The following FAM227B variants were observed in gnomAD, a reference collection of about 807,000 sequenced individuals.
FAM227B encodes the protein family with sequence similarity 227 member B, also known as protein FAM227B.
FAM227B carries 88 observed loss-of-function variants against 73.8 expected under a neutral mutation model. The observed-to-expected ratio is 1.19, with a 90% CI of 1.00 to 1.42. The LOEUF (loss-of-function observed/expected upper bound fraction) is 1.42. Among genes scored for constraint, FAM227B ranks in the 40% most tolerant of loss-of-function variants. The pLI, the probability that FAM227B is intolerant of heterozygous loss-of-function variation, is 0.00. For synonymous variants in FAM227B, 210 were observed against 190.5 expected (o/e 1.10, Z -0.84); for missense variants, 632 against 590.9 (o/e 1.07, Z -0.72).
intron 11 of FAM227B, among the ~76,000 whole-genome samples, chr15:49,451,207 A>G (rs2052700907): frequency 2.6e-5 from 4 of 152,164 alleles, no homozygotes; most frequent in African/African-American, 9.6e-5. Flanking sequence ...ACGGTCATTT[A>G]AAATTTTAAC....
intron 11 of FAM227B, among the ~76,000 whole-genome samples, chr15:49,436,331 T>C (rs954096781): frequency 1.3e-5 from 2 of 151,594 alleles, no homozygotes; most frequent in African/African-American, 2.4e-5. Flanking sequence ...GATGAGTCCA[T>C]TGTGTGATTA....
chr15:49,334,299 AGTT>A (rs1375525758), intron 14 of FAM227B: 1 of 949,932 alleles, frequency 1.1e-6, no homozygotes, highest in Non-Finnish European at 1.3e-6. Flanking sequence ...TTCCCTATAA[AGTT>A]AAAGTTTGAA....
chr15:49,485,637 A>T (rs2056345115), intron 11 of FAM227B: 1 of 152,510 alleles, frequency 6.6e-6, no homozygotes, highest in African/African-American at 2.4e-5. Context: ...GACAAAAATA[A>T]GAGCCTGAAG....
chr15:49,544,854 A>G (rs2071595482), intron 9 of FAM227B, among the ~76,000 whole-genome samples: 1 of 152,178 alleles, frequency 6.6e-6, no homozygotes, highest in Non-Finnish European at 1.5e-5. Flanking sequence ...GTTATGAAAC[A>G]TACTTGATCG....
chr15:49,449,089 T>G (rs1364472718), intron 11 of FAM227B, among the ~76,000 whole-genome samples: 2 of 141,828 alleles, frequency 1.4e-5, no homozygotes, highest in Non-Finnish European at 3.1e-5. Flanking sequence ...TGGTCTGGCT[T>G]ACAGATAGGA....
intron 10 of FAM227B, among the ~76,000 whole-genome samples, chr15:49,509,679 C>T (rs1441915506): frequency 6.6e-6 from 1 of 150,794 alleles, no homozygotes; most frequent in East Asian, 1.9e-4. Flanking sequence ...GGTCACAAAA[C>T]ATGAATTGTT....
At chr15:49,382,948 G>T (rs748389968) in intron 11 of FAM227B, among the ~76,000 whole-genome samples, 1 of 152,056 alleles carries the variant, frequency 6.6e-6, no homozygotes, top group Non-Finnish European at 1.5e-5. Context: ...TCAGAAGCAA[G>T]GTTTAAGTTC....
At chr15:49,577,411 T>C in intron 6 of FAM227B, 2 of 451,220 alleles carry the variant, frequency 4.4e-6, no homozygotes, top group Admixed American at 8.0e-5. Flanking sequence ...ATTTCAGAAC[T>C]AATTTTGATA....
intron 11 of FAM227B, among the ~76,000 whole-genome samples, chr15:49,382,683 T>C (rs1362779387): frequency 1.3e-5 from 2 of 152,090 alleles, no homozygotes; most frequent in African/African-American, 2.4e-5. Context: ...CAAGGACATC[T>C]TATTCATTAC....
chr15:49,469,879 A>T (rs2054582102), intron 11 of FAM227B, among the ~76,000 whole-genome samples: 1 of 152,170 alleles, frequency 6.6e-6, no homozygotes, highest in Non-Finnish European at 1.5e-5. Flanking sequence ...CAAACTCAAA[A>T]TGAGAAATGG....
chr15:49,594,896 T>C (rs1320733755), intron 3 of FAM227B, among the ~76,000 whole-genome samples: 3 of 152,214 alleles, frequency 2.0e-5, no homozygotes, highest in Non-Finnish European at 4.4e-5. Context: ...AGTTTTGCTT[T>C]GGGCATGAAG....
At chr15:49,584,711 A>G (rs2076038183) in intron 5 of FAM227B, among the ~76,000 whole-genome samples, 1 of 152,138 alleles carries the variant, frequency 6.6e-6, no homozygotes, top group South Asian at 2.1e-4. Flanking sequence ...CTATATACCA[A>G]CAACACTCAA....
At chr15:49,489,805 A>ATATATATATATAT (rs2056756276) in intron 11 of FAM227B, among the ~76,000 whole-genome samples, 4 of 46,826 alleles carry the variant, frequency 8.5e-5, no homozygotes, top group Admixed American at 2.9e-4. Context: ...TATATATTTT[A>ATATATATATATAT]TATATATATA....
At chr15:49,415,608 T>C (rs1004717465) in intron 11 of FAM227B, among the ~76,000 whole-genome samples, 2 of 152,202 alleles carry the variant, frequency 1.3e-5, no homozygotes, top group Non-Finnish European at 2.9e-5. Flanking sequence ...CATAATATAA[T>C]TTTAAGAACT....
intron 3 of FAM227B, among the ~76,000 whole-genome samples, chr15:49,610,603 A>AT (rs962636899): frequency 2.6e-5 from 4 of 152,086 alleles, no homozygotes; most frequent in Admixed American, 2.6e-4. Flanking sequence ...AACATATCTA[A>AT]TTAAAAAGCC....
At chr15:49,469,245 T>A (rs2054526573) in intron 11 of FAM227B, among the ~76,000 whole-genome samples, 1 of 152,212 alleles carries the variant, frequency 6.6e-6, no homozygotes, top group African/African-American at 2.4e-5. Context: ...AAACATATTT[T>A]CTTTTAGAGA....
At chr15:49,454,791 A>T (rs1055703658) in intron 11 of FAM227B, among the ~76,000 whole-genome samples, 1 of 152,062 alleles carries the variant, frequency 6.6e-6, no homozygotes, top group Non-Finnish European at 1.5e-5. Flanking sequence ...TTGTATTTTT[A>T]GTAGACACAG....
At chr15:49,577,251 T>C (rs2075512659) in intron 6 of FAM227B, 2 of 348,174 alleles carry the variant, frequency 5.7e-6, no homozygotes, top group Admixed American at 3.8e-5. Context: ...GAGCCACGGT[T>C]GCGCCACTGC....
chr15:49,392,590 TGAA>T lies in FAM227B; in HGVS notation c.1013-21194_1013-21192del, dbSNP rs1377743988. 2.6e-5 allele frequency among the ~76,000 whole-genome samples: 4 copies of T among 152,156 alleles called. No homozygotes were observed. In the East Asian group the frequency reaches 7.7e-4, roughly 29 times the overall value. On this transcript the variant is annotated intron_variant, in intron 11 of 15. Transcript: ENST00000299338. ...CCTGAGTGTCCTTACTTTAAGAACGTGAAGAAGACAAAGAGCAAAGGACATTAA... is the reference window on the plus strand; with the variant it reads ...CCTGAGTGTCCTTACTTTAAGAACGTGAAGACAAAGAGCAAAGGACATTAA...
Sources: gnomAD v4.1 joint callset for allele counts (sites outside exome capture counted in the v4.1 genomes callset) on GRCh38, gnomAD v4.1.1 for gene constraint, MANE v1.5 for transcripts, NCBI Gene and HGNC (gene_info 2026-07-23, HGNC 2026-07-21) for gene names.